The following SH3GL3 variants were observed in gnomAD, a reference collection of about 807,000 sequenced individuals.
SH3GL3 encodes the protein SH3 domain containing GRB2 like 3, endophilin A3.
Under a neutral mutation model 47.7 loss-of-function variants are expected in SH3GL3, and 33 were observed. The observed-to-expected ratio is 0.69, with a 90% CI of 0.52 to 0.92. SH3GL3 has a LOEUF of 0.92. SH3GL3 is among the 40% of genes least tolerant of loss of function. SH3GL3 has a pLI of 0.00. For synonymous variants in SH3GL3, 155 were observed against 148.8 expected (o/e 1.04, Z -0.30); for missense variants, 363 against 417.8 (o/e 0.87, Z 1.14).
chr15:83,527,728 G>A (rs149415448), intron 1 of SH3GL3, among the ~76,000 whole-genome samples: 1 of 152,178 alleles, frequency 6.6e-6, no homozygotes, highest in African/African-American at 2.4e-5. Context: ...ATTGATATGC[G>A]AGGACTTATT....
At chr15:83,500,178 C>T (rs1434004500) in intron 1 of SH3GL3, among the ~76,000 whole-genome samples, 2 of 152,040 alleles carry the variant, frequency 1.3e-5, no homozygotes, top group Non-Finnish European at 2.9e-5. Context: ...ATTGTGGTTC[C>T]CAGTATTTTA....
chr15:83,512,195 T>G (rs147491278), intron 1 of SH3GL3, among the ~76,000 whole-genome samples: 1 of 152,236 alleles, frequency 6.6e-6, no homozygotes, highest in East Asian at 1.9e-4. Flanking sequence ...TCTGGAACTC[T>G]TATTGCCAAG....
At chr15:83,513,479 G>A (rs185375846) in intron 1 of SH3GL3, among the ~76,000 whole-genome samples, 1 of 152,182 alleles carries the variant, frequency 6.6e-6, no homozygotes, top group East Asian at 1.9e-4. Context: ...ATCCTGTGGT[G>A]CCTCGGCTCA....
At position 83,447,949 on chromosome 15, in the gene SH3GL3, C is replaced by T. The variant is rs1414007355; in HGVS notation, c.45+371C>T. On this transcript the variant is annotated intron_variant, in intron 1 of 8. Transcript: ENST00000427482. The surrounding 1 kb of genome is among the most constrained non-coding windows in gnomAD (Gnocchi z 5.1). ...GGAGTACGATGCCGGCAGGGCCTCC[C>T]CCGAGTCTCCAGCCGTTTGGTTGGG... 6.6e-6 allele frequency among the ~76,000 whole-genome samples: 1 copy of T among 152,164 alleles called. No homozygotes were observed. Among genetic ancestry groups the T allele is most frequent in the East Asian group, 1.9e-4 (1 of 5,174 alleles).
chr15:83,541,312 ATTT>A (rs71156085), intron 1 of SH3GL3, among the ~76,000 whole-genome samples: 61 of 47,332 alleles, frequency 1.3e-3, no homozygotes, highest in African/African-American at 2.4e-3. Flanking sequence ...TGGTAATTCT[ATTT>A]TTTTTTTTTT....
chr15:83,494,705 G>T (rs1244972448), intron 1 of SH3GL3, among the ~76,000 whole-genome samples: 1 of 152,026 alleles, frequency 6.6e-6, no homozygotes, highest in Non-Finnish European at 1.5e-5. Flanking sequence ...ACCGTGTCCA[G>T]CTAATTTTTG....
chr15:83,580,647 T>C (rs2059806020), intron 6 of SH3GL3, among the ~76,000 whole-genome samples: 1 of 152,280 alleles, frequency 6.6e-6, no homozygotes. Context: ...CCTGGTCAAC[T>C]GTGCTGAAGG....
chr15:83,593,993 A>G lies in SH3GL3; in HGVS notation c.838+5222A>G, dbSNP rs145348953. Among the ~76,000 whole-genome samples the G allele has an allele frequency of 8.6e-4, 131 of 152,136 alleles. 1 individual carries two copies. Among genetic ancestry groups the G allele is most frequent in the African/African-American group, 3.1e-3 (127 of 41,496 alleles). On this transcript the variant is annotated intron_variant, in intron 8 of 8. Transcript: ENST00000427482. ...ACCACCAAGCCTGGCTAATTTTTGTATCTTTCGTAGAGATGAGGATTCACC... is the reference window on the plus strand; with the variant it reads ...ACCACCAAGCCTGGCTAATTTTTGTGTCTTTCGTAGAGATGAGGATTCACC...
chr15:83,619,350 T>C (rs1458903275), downstream of SH3GL3, among the ~76,000 whole-genome samples: 2 of 151,860 alleles, frequency 1.3e-5, no homozygotes, highest in African/African-American at 2.4e-5. Context: ...GGTTTCCCAG[T>C]GTATAGAAAA....
At chr15:83,482,064 G>A (rs1012414521) in intron 1 of SH3GL3, among the ~76,000 whole-genome samples, 1 of 152,092 alleles carries the variant, frequency 6.6e-6, no homozygotes. Context: ...CCAACACTGG[G>A]TCTTGCCATT....
intron 1 of SH3GL3, among the ~76,000 whole-genome samples, chr15:83,484,605 C>A (rs2041511808): frequency 6.6e-6 from 1 of 151,302 alleles, no homozygotes; most frequent in Non-Finnish European, 1.5e-5. Flanking sequence ...TATCTCTTTT[C>A]TTTTCTTCTA....
chr15:83,596,627 T>TTTTG (rs954087846), intron 8 of SH3GL3, among the ~76,000 whole-genome samples: 9 of 152,068 alleles, frequency 5.9e-5, no homozygotes, highest in Admixed American at 2.6e-4. Flanking sequence ...GAAAGTGTGT[T>TTTTG]TTTGTTTGTT....
chr15:83,621,241 A>G (rs2060914847), downstream of SH3GL3, among the ~76,000 whole-genome samples: 1 of 152,260 alleles, frequency 6.6e-6, no homozygotes, highest in Admixed American at 6.5e-5. Flanking sequence ...AACTGAGGCA[A>G]GAGGCCTAAC....
At chr15:83,563,234 TTTTTTTTCCTTATGATTAA>T (rs2045371384) in intron 2 of SH3GL3, among the ~76,000 whole-genome samples, 2 of 151,530 alleles carry the variant, frequency 1.3e-5, no homozygotes. Context: ...ATCTTCCTTA[TTTTTTTTCCTTATGATTAA>T]AGAGTATTCC....
chr15:83,623,326 G>A (rs2060920099), downstream of SH3GL3, among the ~76,000 whole-genome samples: 1 of 152,172 alleles, frequency 6.6e-6, no homozygotes, highest in Non-Finnish European at 1.5e-5. Context: ...ATGTAGTCTG[G>A]GTAGCTCTTC....
At chr15:83,560,339 T>C (rs1366219007) in intron 2 of SH3GL3, among the ~76,000 whole-genome samples, 1 of 152,218 alleles carries the variant, frequency 6.6e-6, no homozygotes, top group Non-Finnish European at 1.5e-5. Flanking sequence ...TGAGAACTAT[T>C]AAATGTCTAG....
rs1041880248 is a variant in SH3GL3, at chr15:83,576,627, T to C, written c.510T>C (p.Tyr170=). The C allele has an allele frequency of 2.2e-5, 36 of 1,613,038 alleles. No homozygotes were observed. Among genetic ancestry groups the C allele is most frequent in the Non-Finnish European group, 3.0e-5 (35 of 1,179,680 alleles). ...AAGGCCGCCGCCTGGATTACGATTA[T>C]AAAAAGAAACGAGTAGGTAAGATAC... ...KLEGRRLDYD[Y]KKKRVGKIPD... Residue 170 remains tyrosine, a synonymous_variant, in exon 6 of 9, where the codon TAT becomes TAC. Coordinates refer to ENST00000427482, the MANE Select transcript of SH3GL3 (RefSeq NM_003027.5).
intron 1 of SH3GL3, among the ~76,000 whole-genome samples, chr15:83,511,258 C>T (rs1032398472): frequency 6.6e-6 from 1 of 152,010 alleles, no homozygotes; most frequent in Non-Finnish European, 1.5e-5. Context: ...AAAGTACCAC[C>T]TCTGGCAAGT....
intron 1 of SH3GL3, among the ~76,000 whole-genome samples, chr15:83,504,138 T>C (rs2042395491): frequency 6.6e-6 from 1 of 152,242 alleles, no homozygotes; most frequent in Non-Finnish European, 1.5e-5. Flanking sequence ...TAGGTTTTTC[T>C]TTTTACGTTT....
Sources: allele counts gnomAD v4.1 joint callset (sites outside exome capture counted in the v4.1 genomes callset), GRCh38; gene constraint gnomAD v4.1.1; non-coding constraint Gnocchi (gnomAD v3.1); transcripts MANE v1.5; gene names NCBI Gene and HGNC (gene_info 2026-07-23, HGNC 2026-07-21).